Variants in FRMD6 observed in about 807,000 individuals in gnomAD.
FRMD6 encodes FERM domain-containing protein 6.
In FRMD6, 37 loss-of-function variants were observed where a neutral mutation model predicts 73.2. The ratio of observed to expected loss-of-function variants is 0.51; its 90% CI spans 0.39 to 0.66. FRMD6 has a LOEUF of 0.66. Ranked by LOEUF, FRMD6 falls within the 30% of genes least tolerant of loss-of-function variation. The pLI is 0.00. For synonymous variants in FRMD6, 273 were observed against 282.2 expected (o/e 0.97, Z 0.33); for missense variants, 714 against 780.5 (o/e 0.91, Z 1.02).
At chr14:51,456,067 T>G in the FRMD6 span, among the ~76,000 whole-genome samples, 1 of 152,192 alleles carries the variant, frequency 6.6e-6, no homozygotes, top group Non-Finnish European at 1.5e-5. Context: ...TAGGAAGCAC[T>G]GGGCTTGAGG....
At chr14:51,562,493 G>C (rs1887537179) in intron 1 of FRMD6, among the ~76,000 whole-genome samples, 1 of 152,210 alleles carries the variant, frequency 6.6e-6, no homozygotes, top group South Asian at 2.1e-4. Flanking sequence ...TTCAGAATGA[G>C]TACGAGTGGG....
chr14:51,538,304 A>G (rs551801131), intron 1 of FRMD6, among the ~76,000 whole-genome samples: 1 of 150,824 alleles, frequency 6.6e-6, no homozygotes, highest in South Asian at 2.1e-4. Context: ...TAAGTCCCTC[A>G]CTTGACTTAT....
At chr14:51,528,839 C>A (rs1596543413) in intron 1 of FRMD6, among the ~76,000 whole-genome samples, 1 of 152,288 alleles carries the variant, frequency 6.6e-6, no homozygotes, top group East Asian at 1.9e-4. Context: ...CATCAAAGAG[C>A]TCCCAGGAAG....
At chr14:51,463,377 T>C in the FRMD6 span, among the ~76,000 whole-genome samples, 1 of 152,228 alleles carries the variant, frequency 6.6e-6, no homozygotes, top group Non-Finnish European at 1.5e-5. Context: ...TACCTACACA[T>C]CACTTAATTT....
At chr14:51,636,633 TATC>T (rs1339677242) in intron 2 of FRMD6, among the ~76,000 whole-genome samples, 1 of 152,226 alleles carries the variant, frequency 6.6e-6, no homozygotes, top group Non-Finnish European at 1.5e-5. Flanking sequence ...AAGTGTTAGT[TATC>T]ATATGAAAGG....
intron 1 of FRMD6, among the ~76,000 whole-genome samples, chr14:51,681,370 G>A (rs1594722311): frequency 1.3e-5 from 2 of 152,186 alleles, no homozygotes; most frequent in Admixed American, 1.3e-4. Flanking sequence ...TATGAAGCCA[G>A]TTATGTTTCT....
intron 1 of FRMD6, among the ~76,000 whole-genome samples, chr14:51,514,681 C>T (rs140477983): frequency 0.012 from 1,791 of 152,192 alleles, 30 homozygotes; most frequent in African/African-American, 0.041. Context: ...AACCCTGTCT[C>T]TACTAAAAAC....
At chr14:51,679,098 T>C (rs963536242) in intron 1 of FRMD6, among the ~76,000 whole-genome samples, 9 of 152,210 alleles carry the variant, frequency 5.9e-5, no homozygotes, top group Middle Eastern at 6.8e-3. Context: ...TGGTGTGATA[T>C]GTATGATCAG....
At chr14:51,399,029 C>T in the FRMD6 span, among the ~76,000 whole-genome samples, 239 of 152,294 alleles carry the variant, frequency 1.6e-3, 1 homozygote, top group African/African-American at 5.4e-3. Flanking sequence ...CACCCCACAT[C>T]GGCACACCCT....
intron 1 of FRMD6, among the ~76,000 whole-genome samples, chr14:51,539,530 A>G (rs1307234506): frequency 6.6e-6 from 1 of 152,194 alleles, no homozygotes; most frequent in Admixed American, 6.5e-5. Flanking sequence ...ACATGCACCT[A>G]TCACAAAGAA....
the FRMD6 span, among the ~76,000 whole-genome samples, chr14:51,483,200 A>T: frequency 6.6e-6 from 1 of 152,206 alleles, no homozygotes; most frequent in African/African-American, 2.4e-5. Flanking sequence ...TTCATTCAGT[A>T]AATACGTATT....
At chr14:51,497,863 A>G (rs1352387226) in intron 1 of FRMD6, among the ~76,000 whole-genome samples, 2 of 152,314 alleles carry the variant, frequency 1.3e-5, no homozygotes, top group African/African-American at 2.4e-5. Context: ...TGAGGCTTCT[A>G]CGAATCTTAG....
intron 7 of FRMD6, among the ~76,000 whole-genome samples, chr14:51,709,275 A>G (rs751182704): frequency 6.6e-6 from 1 of 152,266 alleles, no homozygotes; most frequent in African/African-American, 2.4e-5. Flanking sequence ...CAGTTTCCCC[A>G]TAGTTAAAGG....
At chr14:51,608,869 A>G (rs1890373075) in intron 2 of FRMD6, among the ~76,000 whole-genome samples, 1 of 152,152 alleles carries the variant, frequency 6.6e-6, no homozygotes. Context: ...GGAATCAGTG[A>G]TCCATAAAGT....
At chr14:51,644,387 A>ACACACACTCT (rs1489278384) in intron 2 of FRMD6, among the ~76,000 whole-genome samples, 4 of 114,948 alleles carry the variant, frequency 3.5e-5, no homozygotes, top group Admixed American at 2.7e-4. Flanking sequence ...ACACACACAC[A>ACACACACTCT]CTCACTCACT....
chr14:51,549,319 T>C lies in FRMD6; in HGVS notation c.-209-21029T>C, dbSNP rs551587358. The stretch of plus-strand genomic sequence containing the variant: ...TAAAAAATCAATTACAAGCAGATTT[T>C]TTGTGTTATTCCATAGTATAGGCTA... On this transcript the variant is annotated intron_variant, in intron 1 of 14. Coordinates refer to the FRMD6 transcript ENST00000356218. 7.2e-5 allele frequency among the ~76,000 whole-genome samples: 11 copies of C among 152,326 alleles called. No individual in the cohort carries two copies. In the East Asian group the frequency reaches 2.1e-3, roughly 29 times the overall value.
At chr14:51,658,775 C>T (rs1477856852) in intron 1 of FRMD6, among the ~76,000 whole-genome samples, 1 of 152,120 alleles carries the variant, frequency 6.6e-6, no homozygotes, top group Non-Finnish European at 1.5e-5. Context: ...GAAAACTATT[C>T]ATGTATACAT....
intron 1 of FRMD6, among the ~76,000 whole-genome samples, chr14:51,540,540 A>G (rs772164855): frequency 4.6e-5 from 7 of 152,142 alleles, no homozygotes; most frequent in Non-Finnish European, 7.4e-5. Context: ...TAGAGGCTCA[A>G]TGAAAATTGG....
At chr14:51,670,818 T>C (rs1041253215) in intron 1 of FRMD6, among the ~76,000 whole-genome samples, 10 of 152,072 alleles carry the variant, frequency 6.6e-5, no homozygotes, top group African/African-American at 2.4e-4. Context: ...GCTAATTTTT[T>C]GTATTTTTAG....
Sources: allele counts gnomAD v4.1 joint callset (sites outside exome capture counted in the v4.1 genomes callset), GRCh38; gene constraint gnomAD v4.1.1; transcripts MANE v1.5; gene names NCBI Gene and HGNC (gene_info 2026-07-23, HGNC 2026-07-21).